Variants in TBC1D5 observed in about 807,000 individuals in gnomAD.
The protein encoded by TBC1D5 is TBC1 domain family, member 5.
TBC1D5 carries 75 observed loss-of-function variants against 100.3 expected under a neutral mutation model. The ratio of observed to expected loss-of-function variants is 0.75; its 90% CI spans 0.62 to 0.91. The LOEUF is 0.91. Among genes scored for constraint, TBC1D5 ranks in the 40% least tolerant of loss-of-function variants. The pLI is 0.00. For missense variants in TBC1D5, 910 were observed against 942.4 expected, an observed-to-expected ratio of 0.97 and a Z score of 0.45; for synonymous variants, 323 against 325.6, an observed-to-expected ratio of 0.99 and a Z score of 0.09.
At chr3:17,649,691 G>C (rs1487382203) in intron 1 of TBC1D5, among the ~76,000 whole-genome samples, 2 of 152,096 alleles carry the variant, frequency 1.3e-5, no homozygotes, top group Non-Finnish European at 2.9e-5. Context: ...TTACACTGTT[G>C]GTGGGAGTGT....
At position 17,610,548 on chromosome 3, in the gene TBC1D5, C is replaced by T. The variant is rs928293537; in HGVS notation, c.-36+13301G>A. On this transcript the variant is annotated intron_variant, in intron 2 of 21. Coordinates refer to ENST00000253692, the Ensembl canonical transcript of TBC1D5. ...AGTAATCTGATCTCTTACTAATAAG[C>T]ACTCAGCGACCACCCAAATTCCTTA... is the stretch of plus-strand genomic sequence containing the variant. Among the ~76,000 whole-genome samples the T allele has an allele frequency of 2.0e-5, 3 of 152,292 alleles. No individual in the cohort carries two copies. In the East Asian group the frequency reaches 5.8e-4, roughly 29 times the overall value.
intron 2 of TBC1D5, among the ~76,000 whole-genome samples, chr3:17,531,517 G>A (rs1197208757): frequency 1.2e-4 from 19 of 152,028 alleles, no homozygotes; most frequent in East Asian, 3.8e-4. Flanking sequence ...AAAAGAGCCC[G>A]CATTGCCAAG....
intron 13 of TBC1D5, among the ~76,000 whole-genome samples, chr3:17,328,057 G>A (rs1478300387): frequency 6.6e-6 from 1 of 152,002 alleles, no homozygotes; most frequent in Non-Finnish European, 1.5e-5. Context: ...ATAGCTTAAG[G>A]CCCAGAGTTT....
chr3:17,663,011 C>T (rs948521212), intron 1 of TBC1D5: 1 of 152,126 alleles, frequency 6.6e-6, no homozygotes, highest in Admixed American at 6.6e-5. Flanking sequence ...CTTCATTTCA[C>T]AGATGCAGAA....
At chr3:17,437,980 G>C (rs2094568100) in intron 3 of TBC1D5, among the ~76,000 whole-genome samples, 1 of 152,100 alleles carries the variant, frequency 6.6e-6, no homozygotes, top group South Asian at 2.1e-4. Flanking sequence ...TCCAGCAATA[G>C]TAATAGACTG....
intron 13 of TBC1D5, among the ~76,000 whole-genome samples, chr3:17,325,314 T>C (rs555506897): frequency 1.6e-4 from 24 of 146,518 alleles, no homozygotes; most frequent in East Asian, 1.4e-3. Context: ...GGCAATAATA[T>C]GGATGAATCT....
chr3:17,507,541 A>C (rs901391581), intron 3 of TBC1D5, among the ~76,000 whole-genome samples: 5 of 152,208 alleles, frequency 3.3e-5, no homozygotes, highest in African/African-American at 1.2e-4. Context: ...TTAAATTCTC[A>C]AAACATGAGT....
At chr3:17,656,733 G>A (rs1360766056) in intron 1 of TBC1D5, among the ~76,000 whole-genome samples, 4 of 152,180 alleles carry the variant, frequency 2.6e-5, no homozygotes, top group African/African-American at 9.6e-5. Context: ...AATATGAGCT[G>A]AACTGTGTGC....
chr3:17,716,146 T>C (rs963207822), intron 1 of TBC1D5, among the ~76,000 whole-genome samples: 6 of 152,120 alleles, frequency 3.9e-5, no homozygotes, highest in Non-Finnish European at 8.8e-5. Flanking sequence ...ACTTAAGACA[T>C]AAAAAGACAA....
At chr3:17,413,304 A>G (rs1248216705) in intron 4 of TBC1D5, among the ~76,000 whole-genome samples, 2 of 152,188 alleles carry the variant, frequency 1.3e-5, no homozygotes, top group African/African-American at 4.8e-5. Context: ...CTCCTCAGGA[A>G]ACAACACTGT....
intron 1 of TBC1D5, chr3:17,739,205 AG>A (rs1177275437): frequency 6.6e-6 from 1 of 152,244 alleles, no homozygotes; most frequent in African/African-American, 2.4e-5. Flanking sequence ...GAAATGTCTC[AG>A]GATCAGGTGG....
intron 3 of TBC1D5, among the ~76,000 whole-genome samples, chr3:17,430,488 T>A (rs1223097192): frequency 6.6e-6 from 1 of 151,640 alleles, no homozygotes; most frequent in Non-Finnish European, 1.5e-5. Flanking sequence ...TAAATGTAAC[T>A]TTCAAGGTGC....
At chr3:17,528,827 T>C (rs1341353217) in intron 2 of TBC1D5, among the ~76,000 whole-genome samples, 1 of 152,216 alleles carries the variant, frequency 6.6e-6, no homozygotes, top group Non-Finnish European at 1.5e-5. Context: ...TGAAAATACA[T>C]TAAATTTCAA....
chr3:17,178,227 G>A (rs558028454), intron 19 of TBC1D5, among the ~76,000 whole-genome samples: 14 of 152,010 alleles, frequency 9.2e-5, no homozygotes, highest in African/African-American at 2.7e-4. Context: ...CACCACGCCT[G>A]GCTAATTTTT....
At chr3:17,619,217 G>C (rs79273976) in intron 2 of TBC1D5, among the ~76,000 whole-genome samples, 1,541 of 152,232 alleles carry the variant, frequency 0.01, 11 homozygotes, top group Non-Finnish European at 0.015. Flanking sequence ...AACATCAATA[G>C]GTCACAAACT....
chr3:17,733,645 C>A (rs2076740798), intron 1 of TBC1D5, among the ~76,000 whole-genome samples: 1 of 152,040 alleles, frequency 6.6e-6, no homozygotes, highest in African/African-American at 2.4e-5. Flanking sequence ...TATTTTAAAA[C>A]CCTTTTGAGA....
intron 16 of TBC1D5, among the ~76,000 whole-genome samples, chr3:17,256,001 A>G (rs901045811): frequency 1.1e-4 from 17 of 152,230 alleles, no homozygotes; most frequent in Non-Finnish European, 2.4e-4. Flanking sequence ...GCGCCACTGC[A>G]CTCCAGCCTG....
At chr3:17,639,360 C>A (rs1038208793) in intron 1 of TBC1D5, among the ~76,000 whole-genome samples, 3 of 151,608 alleles carry the variant, frequency 2.0e-5, no homozygotes, top group Admixed American at 1.3e-4. Context: ...AAATTGTTGC[C>A]TTTGGTTGGG....
chr3:17,654,374 G>A (rs2065861174), intron 1 of TBC1D5, among the ~76,000 whole-genome samples: 1 of 152,028 alleles, frequency 6.6e-6, no homozygotes, highest in Non-Finnish European at 1.5e-5. Context: ...GTTTGTGTCT[G>A]GACATAAAGT....
Sources: allele counts gnomAD v4.1 joint callset (sites outside exome capture counted in the v4.1 genomes callset), GRCh38; gene constraint gnomAD v4.1.1; transcripts MANE v1.5; gene names NCBI Gene and HGNC (gene_info 2026-07-23, HGNC 2026-07-21).